NHS: variants seen among roughly 807,000 people sequenced by gnomAD.
The protein encoded by NHS is NHS actin remodeling regulator.
In NHS, 5 loss-of-function variants were observed where a neutral mutation model predicts 72.5. That is an observed-to-expected ratio of 0.07 (90% CI 0.04 to 0.14). NHS has a LOEUF of 0.14. NHS is among the 10% of genes least tolerant of loss of function. NHS has a pLI of 1.00. For synonymous variants in NHS, 464 were observed against 547.7 expected (o/e 0.85, Z 2.13); for missense variants, 1,072 against 1,355.7 (o/e 0.79, Z 3.29).
chrX:17,560,126 G>A (rs748631896), intron 1 of NHS, among the ~76,000 whole-genome samples: 43 of 112,127 alleles, frequency 3.8e-4, no homozygotes, highest in East Asian at 8.4e-4. Context: ...TTTGAAGGCC[G>A]CTTGTTTAAG....
At chrX:17,382,968 G>T (rs1409357401) in intron 1 of NHS, among the ~76,000 whole-genome samples, 3 of 112,048 alleles carry the variant, frequency 2.7e-5, no homozygotes, top group African/African-American at 9.7e-5. Flanking sequence ...ACAGGGAGTT[G>T]GTGGATGAAT....
At chrX:17,663,867 A>G (rs1482316463) in intron 1 of NHS, among the ~76,000 whole-genome samples, 1 of 111,578 alleles carries the variant, frequency 9.0e-6, no homozygotes, top group African/African-American at 3.3e-5. Context: ...ATCCTCATCA[A>G]TACTTGGTAT....
At chrX:17,490,423 T>G (rs868257654) in intron 1 of NHS, among the ~76,000 whole-genome samples, 4 of 112,048 alleles carry the variant, frequency 3.6e-5, no homozygotes, top group Non-Finnish European at 5.6e-5. Flanking sequence ...TTGTCAAAGA[T>G]CAGATAGTTG....
At chrX:17,535,573 G>A (rs997866777) in intron 1 of NHS, among the ~76,000 whole-genome samples, 7 of 110,719 alleles carry the variant, frequency 6.3e-5, no homozygotes, top group African/African-American at 2.3e-4. Flanking sequence ...AGGAGTGGCC[G>A]AATGCTAACT....
intron 1 of NHS, among the ~76,000 whole-genome samples, chrX:17,414,721 C>T (rs1283228361): frequency 1.8e-5 from 2 of 111,213 alleles, no homozygotes; most frequent in African/African-American, 6.5e-5. Flanking sequence ...TTTAGCATGA[C>T]GGCAAAGGGG....
intron 1 of NHS, among the ~76,000 whole-genome samples, chrX:17,571,109 G>A (rs2187843): frequency 0.45 from 49,753 of 110,810 alleles, 8,926 homozygotes; most frequent in East Asian, 0.76. Context: ...GATGTTCATC[G>A]GGGATACTGG....
At chrX:17,431,902 T>C (rs762245402) in intron 1 of NHS, among the ~76,000 whole-genome samples, 1 of 112,025 alleles carries the variant, frequency 8.9e-6, no homozygotes. Flanking sequence ...TTGAACTTAC[T>C]TGAACTTGGG....
rs755036195 is a variant in NHS at position 17,596,196 on chromosome X, A to G, written c.566-91546A>G. 7.1e-5 allele frequency among the ~76,000 whole-genome samples: 8 copies of G among 112,472 alleles called. No individual in the cohort carries two copies. The Admixed American group carries it at 7.5e-4, about 11-fold the overall frequency. ...ACAAAACTGCCTGTATCTTGTCACT[A>G]TGGATGCAAGTCAAGACAGAGGCAA... On this transcript the variant is annotated intron_variant, in intron 1 of 8. Coordinates refer to ENST00000676302, the MANE Select transcript of NHS (RefSeq NM_001291867.2).
Position 17,733,714 on chromosome X carries a change from T to C in NHS, c.*1250T>C, listed in dbSNP as rs2066503451. 1 of 112,303 alleles carries C rather than the reference T, an allele frequency of 8.9e-6. No individual in the cohort carries two copies. The highest frequency in any genetic ancestry group is 3.3e-5 in the African/African-American group (1 of 30,767). 9.3% of individuals were successfully genotyped at this position (112,303 alleles called of 1,213,427 possible). On this transcript the variant is annotated 3_prime_UTR_variant, in exon 9 of 9. Coordinates refer to ENST00000676302, the MANE Select transcript of NHS (RefSeq NM_001291867.2). ...TAGTTGGAAAATAGGTATGTGTATA[T>C]GCATTATTTATACTCATTGTTAAAC... is the stretch of plus-strand genomic sequence containing the variant.
At chrX:17,625,027 A>T (rs1421937859) in intron 1 of NHS, among the ~76,000 whole-genome samples, 5 of 112,653 alleles carry the variant, frequency 4.4e-5, no homozygotes, top group Non-Finnish European at 9.4e-5. Context: ...AGAAATAAAA[A>T]TATTTTCTTA....
chrX:17,434,470 G>A (rs763625260), intron 1 of NHS, among the ~76,000 whole-genome samples: 16 of 92,792 alleles, frequency 1.7e-4, no homozygotes, highest in African/African-American at 6.4e-4. Context: ...TTTGGACAGA[G>A]TCTTGCTCTG....
chrX:17,665,453 G>T (rs991568903), intron 1 of NHS, among the ~76,000 whole-genome samples: 10 of 101,176 alleles, frequency 9.9e-5, no homozygotes. Flanking sequence ...TCAGCCTCCC[G>T]AGTAGCTGGG....
intron 1 of NHS, among the ~76,000 whole-genome samples, chrX:17,532,947 T>C (rs918299713): frequency 8.9e-6 from 1 of 111,979 alleles, no homozygotes; most frequent in Non-Finnish European, 1.9e-5. Flanking sequence ...AAATCCTGAG[T>C]GTGAGGCATT....
chrX:17,530,846 A>G (rs896256874), intron 1 of NHS, among the ~76,000 whole-genome samples: 5 of 110,737 alleles, frequency 4.5e-5, no homozygotes, highest in African/African-American at 1.6e-4. Context: ...TGGCACAATC[A>G]TAGCTCACTG....
chrX:17,553,689 G>T (rs1382101814), intron 1 of NHS, among the ~76,000 whole-genome samples: 1 of 111,360 alleles, frequency 9.0e-6, no homozygotes, highest in Non-Finnish European at 1.9e-5. Flanking sequence ...TTCCCGTTCT[G>T]CCTCCCAGCT....
rs1362642519 is a variant in NHS, at chrX:17,727,212, T to G, written c.3106T>G (p.Phe1036Val). The G allele has an allele frequency of 1.1e-5, 13 of 1,210,290 alleles. No homozygotes were observed. The highest frequency in any genetic ancestry group is 1.5e-5 in the Non-Finnish European group (13 of 895,267). Residue 1036 changes from phenylalanine (F) to valine (V), a missense_variant, in exon 7 of 9, where the codon TTC becomes GTC. Coordinates refer to ENST00000676302, the MANE Select transcript of NHS (RefSeq NM_001291867.2). Reference protein sequence around the residue: ...SSQSETPTSSFPTAFFSGPLS... With the variant: ...SSQSETPTSSVPTAFFSGPLS... ...CCAGTCTGAAACGCCAACATCCTCT[T>G]TCCCTACAGCTTTCTTTTCAGGTCC... is the stretch of plus-strand genomic sequence containing the variant.
intron 1 of NHS, among the ~76,000 whole-genome samples, chrX:17,465,028 G>A (rs1482211100): frequency 3.6e-5 from 4 of 112,148 alleles, no homozygotes; most frequent in Non-Finnish European, 7.5e-5. Flanking sequence ...TGGGAAGAAA[G>A]ATGTAGAACG....
At chrX:17,660,723 C>A (rs1274558058) in intron 1 of NHS, among the ~76,000 whole-genome samples, 1 of 112,277 alleles carries the variant, frequency 8.9e-6, no homozygotes, top group Non-Finnish European at 1.9e-5. Context: ...GGTGCAAAGG[C>A]AGGAGCTTCC....
chrX:17,696,630 C>T (rs2066232236), intron 3 of NHS, among the ~76,000 whole-genome samples: 1 of 111,871 alleles, frequency 8.9e-6, no homozygotes, highest in African/African-American at 3.3e-5. Flanking sequence ...TAGACTTAGA[C>T]TTACAGTGCT....
Sources: allele counts gnomAD v4.1 joint callset (sites outside exome capture counted in the v4.1 genomes callset), GRCh38; gene constraint gnomAD v4.1.1; transcripts MANE v1.5; gene names NCBI Gene and HGNC (gene_info 2026-07-23, HGNC 2026-07-21).